The following CACNA1S variants were observed in gnomAD, a reference collection of about 807,000 sequenced individuals.
CACNA1S encodes calcium voltage-gated channel subunit alpha1 S.
In CACNA1S, 126 loss-of-function variants were observed where a neutral mutation model predicts 207.4. The ratio of observed to expected loss-of-function variants is 0.61; its 90% CI spans 0.53 to 0.70. The LOEUF (loss-of-function observed/expected upper bound fraction) is 0.70, where lower values mean the gene tolerates loss of function less well. CACNA1S is among the 30% of genes least tolerant of loss of function. The pLI is 0.00. For synonymous variants in CACNA1S, 960 were observed against 932.7 expected (o/e 1.03, Z -0.53); for missense variants, 2,349 against 2,422.8 (o/e 0.97, Z 0.64).
rs568872593 is a variant in CACNA1S at position 201,054,790 on chromosome 1, A to T, written c.3610-229T>A. Among the ~76,000 whole-genome samples, 14 of 152,318 alleles carry T rather than the reference A, an allele frequency of 9.2e-5. No individual in the cohort carries two copies. The East Asian group carries it at 2.3e-3, about 25-fold the overall frequency. On this transcript the variant is annotated intron_variant, in intron 28 of 43. Transcript: ENST00000362061. ...GAGGCAAGAGGTGGGGGACAAGGAA[A>T]TAAGAAGGGGAGGGAAGGCTGGACA...
Position 201,085,024 on chromosome 1 carries a change from C to T in CACNA1S, c.1158G>A (p.Leu386=). The change falls in exon 9 of 44, where the codon CTG becomes CTA. Residue 386 remains leucine, a synonymous_variant. Coordinates refer to ENST00000362061, the MANE Select transcript of CACNA1S (RefSeq NM_000069.3). ...TGTCAGAGCCACCTTCATCCAAAGA[C>T]AGTTTTCCTGGAGACAGGAGAGAAA... is the stretch of plus-strand genomic sequence containing the variant. ...MDVEDFREGK[L]SLDEGGSDTE... is the part of the protein sequence containing the mutation. The T allele has an allele frequency of 6.2e-7, 1 of 1,610,538 alleles. No homozygotes were observed. The highest frequency in any genetic ancestry group is 1.1e-5 in the South Asian group (1 of 91,062).
At chr1:201,072,637 C>T in intron 16 of CACNA1S, 118 bp downstream of exon 16, 2 of 792,900 alleles carry the variant, frequency 2.5e-6, no homozygotes, top group South Asian at 2.7e-5. Flanking sequence ...GTTCTGATCT[C>T]CACATGGAGG....
Position 201,039,702 on chromosome 1 carries a change from T to C in CACNA1S, c.*129A>G. ...TGAGGTGGTTCCTGACCACCCTGCC[T>C]CAGGCCATGCATCTAGCTGCTGAGA... On this transcript the variant is annotated 3_prime_UTR_variant, in exon 44 of 44. Transcript: ENST00000362061. The C allele has an allele frequency of 2.3e-6, 3 of 1,315,866 alleles. No individual in the cohort carries two copies. Among genetic ancestry groups the C allele is most frequent in the Non-Finnish European group, 3.2e-6 (3 of 933,922 alleles). 81.5% of individuals were successfully genotyped at this position (1,315,866 alleles called of 1,614,324 possible).
rs1663161870 is a variant in CACNA1S at position 201,112,385 on chromosome 1, C to T, written c.-46G>A. 2.5e-6 allele frequency: 4 copies of T among 1,612,800 alleles called. No individual in the cohort carries two copies. Among genetic ancestry groups the T allele is most frequent in the South Asian group, 1.1e-5 (1 of 91,048 alleles). On this transcript the variant is annotated 5_prime_UTR_variant, in exon 1 of 44. Transcript: ENST00000362061. Reference sequence around the variant, plus strand: ...TTTCTCCTGCTCCCCCACCCCAGTGCTTTCCCTTCCCTGTGTCCCCAATGC... The same window carrying T: ...TTTCTCCTGCTCCCCCACCCCAGTGTTTTCCCTTCCCTGTGTCCCCAATGC...
chr1:201,082,497 C>T (rs1661873647), intron 10 of CACNA1S, among the ~76,000 whole-genome samples: 1 of 152,142 alleles, frequency 6.6e-6, no homozygotes, highest in Non-Finnish European at 1.5e-5. Flanking sequence ...CTCCAGGATC[C>T]CCTCCTCCCT....
chr1:201,042,437 C>G (rs935383823), intron 40 of CACNA1S, among the ~76,000 whole-genome samples: 3 of 152,204 alleles, frequency 2.0e-5, no homozygotes, highest in Non-Finnish European at 4.4e-5. Flanking sequence ...CACTCCTGGC[C>G]TCTGTGATTA....
chr1:201,045,552 T>C (rs1364526138), intron 38 of CACNA1S, among the ~76,000 whole-genome samples: 1 of 151,860 alleles, frequency 6.6e-6, no homozygotes, highest in Non-Finnish European at 1.5e-5. Context: ...CTGGCCAGCA[T>C]AGCGAAACCC....
At chr1:201,103,956 G>A (rs1662785192) in intron 2 of CACNA1S, among the ~76,000 whole-genome samples, 5 of 152,212 alleles carry the variant, frequency 3.3e-5, no homozygotes, top group Admixed American at 3.3e-4. Flanking sequence ...CCCAGGAGGG[G>A]CCAAATGGGC....
Position 201,089,305 on chromosome 1 carries a change from C to G in CACNA1S, c.853G>C (p.Val285Leu), listed in dbSNP as rs770679071. 8 of 1,614,254 alleles carry G rather than the reference C, an allele frequency of 5.0e-6. No homozygotes were observed. The highest frequency in any genetic ancestry group is 6.8e-6 in the Non-Finnish European group (8 of 1,180,052). ...FDNFGFSMLT[V>L]YQCITMEGWT... ...CCCTCCATGGTAATGCACTGGTACA[C>G]GGTGAGCATGGAGAAGCCGAAGTTG... The change falls in exon 6 of 44, where the codon GTG becomes CTG. Residue 285 changes from valine to leucine, a missense_variant. Coordinates refer to ENST00000362061, the MANE Select transcript of CACNA1S (RefSeq NM_000069.3).
rs1177008257 is a variant in CACNA1S, at chr1:201,069,528, T to TGAGCAGGATGAA, written c.2422_2433dup (p.Phe808_Leu811dup). ...TCTTCCGCAGCCAGTGCAGCGCTGC[T>TGAGCAGGATGAA]GAGCAGGATGAAGAGCAGGATGAAG... is the stretch of plus-strand genomic sequence containing the variant. On this transcript the variant is annotated inframe_insertion, in exon 18 of 44. Coordinates refer to ENST00000362061, the MANE Select transcript of CACNA1S (RefSeq NM_000069.3). 1 of 1,589,764 alleles carries TGAGCAGGATGAA rather than the reference T, an allele frequency of 6.3e-7. No homozygotes were observed. The highest frequency in any genetic ancestry group is 8.6e-7 in the Non-Finnish European group (1 of 1,169,578).
intron 40 of CACNA1S, chr1:201,041,901 G>A (rs1024244076): frequency 2.3e-6 from 1 of 444,184 alleles, no homozygotes; most frequent in Non-Finnish European, 4.2e-6. Flanking sequence ...TCTCCATCTT[G>A]GCCACACATA....
intron 38 of CACNA1S, among the ~76,000 whole-genome samples, chr1:201,044,814 G>A (rs1025173625): frequency 3.3e-5 from 5 of 152,050 alleles, no homozygotes; most frequent in East Asian, 1.9e-4. Flanking sequence ...GGCTAGAACC[G>A]CTTCGTATGG....
chr1:201,054,387 G>T, intron 29 of CACNA1S, 118 bp downstream of exon 29: 1 of 1,063,876 alleles, frequency 9.4e-7, no homozygotes, highest in Non-Finnish European at 1.5e-6. Flanking sequence ...CCTGCCCTGG[G>T]GAGGGAGCCC....
intron 38 of CACNA1S, 81 bp from the exon 39 acceptor site, chr1:201,044,537 G>T: frequency 6.5e-7 from 1 of 1,535,200 alleles, no homozygotes; most frequent in Non-Finnish European, 8.9e-7. Flanking sequence ...TTGAGACAGA[G>T]TCTCACTCTG....
chr1:201,102,842 T>C (rs1225450441), intron 2 of CACNA1S, among the ~76,000 whole-genome samples: 1 of 152,126 alleles, frequency 6.6e-6, no homozygotes, highest in Admixed American at 6.5e-5. Flanking sequence ...GGTACATTTG[T>C]CAGATCCCGC....
chr1:201,083,556 G>T (rs1282477802), intron 9 of CACNA1S, among the ~76,000 whole-genome samples: 2 of 152,188 alleles, frequency 1.3e-5, no homozygotes, highest in African/African-American at 4.8e-5. Context: ...GAGGATGCAC[G>T]CAAAATGCTT....
chr1:201,090,230 C>T (rs773492475), intron 5 of CACNA1S, among the ~76,000 whole-genome samples: 1 of 152,146 alleles, frequency 6.6e-6, no homozygotes, highest in Non-Finnish European at 1.5e-5. Flanking sequence ...TCAGAAGCCC[C>T]GATCCGAGAG....
chr1:201,080,492 G>T (rs1249951646), intron 10 of CACNA1S, among the ~76,000 whole-genome samples: 1 of 152,156 alleles, frequency 6.6e-6, no homozygotes, highest in Non-Finnish European at 1.5e-5. Flanking sequence ...TGAGATGAAT[G>T]AATGAATGAA....
rs201939776 is a variant in CACNA1S at position 201,062,118 on chromosome 1, C to A, written c.2907-28G>T. On this transcript the variant is annotated intron_variant, in intron 23 of 43. Coordinates refer to ENST00000362061, the MANE Select transcript of CACNA1S (RefSeq NM_000069.3). ...GTGGCAGGGAGGCCCAGTCACTCCA[C>A]AGGGCATGGCTGGGCTGCCTTGCCC... The A allele has an allele frequency of 1.0e-4, 169 of 1,610,118 alleles. 1 individual carries two copies. The East Asian group carries it at 3.8e-3, about 36-fold the overall frequency.
Sources: allele counts gnomAD v4.1 joint callset (sites outside exome capture counted in the v4.1 genomes callset), GRCh38; gene constraint gnomAD v4.1.1; transcripts MANE v1.5; gene names NCBI Gene and HGNC (gene_info 2026-07-23, HGNC 2026-07-21).